Variants in GRIK2 observed in about 807,000 individuals in gnomAD.
The protein encoded by GRIK2 is glutamate receptor ionotropic, kainate 2.
In GRIK2, 32 loss-of-function variants were observed where a neutral mutation model predicts 100.3. The observed-to-expected ratio is 0.32, with a 90% CI of 0.24 to 0.43. The LOEUF is 0.43. Among genes scored for constraint, GRIK2 ranks in the 20% least tolerant of loss-of-function variants. The pLI is 1.00. For missense variants in GRIK2, 843 were observed against 1,114.9 expected, an observed-to-expected ratio of 0.76 and a Z score of 3.47; for synonymous variants, 417 against 389.4, an observed-to-expected ratio of 1.07 and a Z score of -0.83.
intron 16 of GRIK2, among the ~76,000 whole-genome samples, chr6:102,058,884 A>G (rs1771603956): frequency 6.6e-6 from 1 of 151,442 alleles, no homozygotes; most frequent in South Asian, 2.1e-4. Flanking sequence ...GTCAGATATA[A>G]TATATATGAA....
chr6:101,818,263 A>G (rs1240888388), intron 9 of GRIK2, 107 bp from the exon 10 acceptor site: 2 of 643,484 alleles, frequency 3.1e-6, no homozygotes, highest in Non-Finnish European at 5.5e-6. Context: ...GCAGCAGACA[A>G]TGCAGCAAAG....
At chr6:101,773,977 A>G (rs1778574248) in intron 7 of GRIK2, among the ~76,000 whole-genome samples, 1 of 152,200 alleles carries the variant, frequency 6.6e-6, no homozygotes, top group African/African-American at 2.4e-5. Context: ...GTCATAAAAG[A>G]TGCATATTGA....
At chr6:101,564,860 C>T (rs144124551) in intron 2 of GRIK2, among the ~76,000 whole-genome samples, 7 of 152,160 alleles carry the variant, frequency 4.6e-5, no homozygotes, top group East Asian at 1.9e-4. Context: ...AATAGCACTC[C>T]GATGTATGTT....
At chr6:102,032,685 A>G (rs1371145472) in intron 14 of GRIK2, among the ~76,000 whole-genome samples, 2 of 151,250 alleles carry the variant, frequency 1.3e-5, no homozygotes, top group Non-Finnish European at 3.0e-5. Context: ...ATGCAAGAGA[A>G]TGCATTTTGA....
chr6:101,638,243 C>A (rs1451712064), intron 4 of GRIK2, among the ~76,000 whole-genome samples: 8 of 149,488 alleles, frequency 5.4e-5, no homozygotes, highest in Non-Finnish European at 1.2e-4. Context: ...TGTGTCAGCA[C>A]TGTTCTAGGT....
At chr6:101,625,155 C>T (rs1431597130) in intron 3 of GRIK2, among the ~76,000 whole-genome samples, 1 of 151,972 alleles carries the variant, frequency 6.6e-6, no homozygotes, top group Non-Finnish European at 1.5e-5. Flanking sequence ...GGGTGGATCA[C>T]GAGGTCAGGA....
chr6:101,683,107 A>G (rs946955077), intron 6 of GRIK2, among the ~76,000 whole-genome samples: 5 of 151,952 alleles, frequency 3.3e-5, no homozygotes, highest in Non-Finnish European at 7.4e-5. Context: ...GGAGCCTGAG[A>G]CAGGAGAATT....
At chr6:101,684,275 C>A (rs1292125396) in intron 6 of GRIK2, among the ~76,000 whole-genome samples, 1 of 152,042 alleles carries the variant, frequency 6.6e-6, no homozygotes, top group African/African-American at 2.4e-5. Flanking sequence ...TTGGGGAAAT[C>A]AAAAGTATCT....
chr6:101,714,919 A>T (rs1459987432), intron 7 of GRIK2, among the ~76,000 whole-genome samples: 1 of 151,798 alleles, frequency 6.6e-6, no homozygotes, highest in African/African-American at 2.4e-5. Context: ...TGATAATTAT[A>T]ATATAAACAA....
intron 7 of GRIK2, among the ~76,000 whole-genome samples, chr6:101,687,611 G>A (rs1227714039): frequency 2.0e-5 from 3 of 151,762 alleles, no homozygotes; most frequent in Non-Finnish European, 4.4e-5. Context: ...CCTTCATAGA[G>A]ACTATGAAGA....
At chr6:101,892,423 A>G (rs1250599555) in intron 12 of GRIK2, among the ~76,000 whole-genome samples, 1 of 152,140 alleles carries the variant, frequency 6.6e-6, no homozygotes, top group Non-Finnish European at 1.5e-5. Context: ...ACCATCATAG[A>G]CAGCATCTGT....
chr6:101,626,774 T>A, intron 4 of GRIK2, 137 bp downstream of exon 4: 1 of 657,100 alleles, frequency 1.5e-6, no homozygotes, highest in South Asian at 2.0e-5. Context: ...AAAGACAGAA[T>A]CAAACACCAA....
chr6:101,686,216 A>G lies in GRIK2; in HGVS notation c.814A>G (p.Ser272Gly). Residue 272 changes from serine to glycine, a missense_variant, in exon 7 of 17, where the codon AGT (serine) becomes GGT (glycine). Transcript: ENST00000369134. ...FALDVEPYRY[S>G]GVNMTGFRIL... ...TCTTGATGTTGAGCCCTACCGATAC[A>G]GTGGTGTTAACATGACAGGGTTCAG... The G allele has an allele frequency of 6.2e-7, 1 of 1,612,776 alleles. No individual in the cohort carries two copies. The highest frequency in any genetic ancestry group is 8.5e-7 in the Non-Finnish European group (1 of 1,178,910).
chr6:101,744,536 A>ATATATATATC (rs1776274912), intron 7 of GRIK2: 1 of 94,734 alleles, frequency 1.1e-5, no homozygotes, highest in African/African-American at 4.1e-5. Context: ...ATATATATAT[A>ATATATATATC]TATATATATA....
At chr6:102,045,139 G>A (rs898920515) in intron 15 of GRIK2, among the ~76,000 whole-genome samples, 1 of 151,980 alleles carries the variant, frequency 6.6e-6, no homozygotes, top group African/African-American at 2.4e-5. Context: ...GTATATAATG[G>A]TGAACAATAT....
chr6:101,855,697 C>T (rs1784389216), intron 10 of GRIK2, among the ~76,000 whole-genome samples: 1 of 152,112 alleles, frequency 6.6e-6, no homozygotes, highest in African/African-American at 2.4e-5. Flanking sequence ...CCTTGAAGAC[C>T]AGCATAAACA....
intron 2 of GRIK2, among the ~76,000 whole-genome samples, chr6:101,603,445 T>C (rs1351290739): frequency 6.6e-6 from 1 of 151,642 alleles, no homozygotes; most frequent in Non-Finnish European, 1.5e-5. Flanking sequence ...TTGGTTGGGC[T>C]ACTGAAGTTC....
chr6:101,442,927 A>G (rs1770160861), intron 2 of GRIK2, among the ~76,000 whole-genome samples: 1 of 152,152 alleles, frequency 6.6e-6, no homozygotes. Context: ...GAATCCGCAA[A>G]TAAATAACAT....
chr6:101,460,067 T>G (rs142437115), intron 2 of GRIK2, among the ~76,000 whole-genome samples: 1 of 152,310 alleles, frequency 6.6e-6, no homozygotes, highest in East Asian at 1.9e-4. Context: ...GCACATCTGT[T>G]GCTCTTATCC....
Sources: allele counts gnomAD v4.1 joint callset (sites outside exome capture counted in the v4.1 genomes callset), GRCh38; gene constraint gnomAD v4.1.1; transcripts MANE v1.5; gene names NCBI Gene and HGNC (gene_info 2026-07-23, HGNC 2026-07-21).